TGFB2: variants seen among roughly 807,000 people sequenced by gnomAD.
TGFB2 encodes the protein transforming growth factor beta-2 proprotein.
In TGFB2, 13 loss-of-function variants were observed where a neutral mutation model predicts 42.7. That is an observed-to-expected ratio of 0.30 (90% CI 0.20 to 0.48). The LOEUF (loss-of-function observed/expected upper bound fraction) is 0.48, where lower values mean the gene tolerates loss of function less well. Among genes scored for constraint, TGFB2 ranks in the 20% least tolerant of loss-of-function variants. TGFB2 has a pLI of 0.99. For synonymous variants in TGFB2, 193 were observed against 193.6 expected (o/e 1.00, Z 0.03); for missense variants, 390 against 517.5 (o/e 0.75, Z 2.39).
intron 1 of TGFB2, among the ~76,000 whole-genome samples, chr1:218,397,345 C>T (rs988267595): frequency 3.6e-4 from 55 of 151,498 alleles, no homozygotes; most frequent in African/African-American, 1.0e-3. Flanking sequence ...AGGCGGATCA[C>T]GAGGTCAAGA....
chr1:218,381,258 G>GTTTTTTTTTTTTT (rs11405199), intron 1 of TGFB2, among the ~76,000 whole-genome samples: 3 of 137,738 alleles, frequency 2.2e-5, no homozygotes, highest in Admixed American at 7.3e-5. Flanking sequence ...TTTTGTTTTT[G>GTTTTTTTTTTTTT]TTTTTTTTTT....
intron 1 of TGFB2, among the ~76,000 whole-genome samples, chr1:218,361,628 A>G (rs1380905199): frequency 6.6e-6 from 1 of 152,214 alleles, no homozygotes; most frequent in Non-Finnish European, 1.5e-5. Context: ...CTTACTCTGC[A>G]TATTCTACCT....
chr1:218,441,856 G>A lies in TGFB2; in HGVS notation c.*494G>A. On this transcript the variant is annotated 3_prime_UTR_variant, in exon 7 of 7. Transcript: ENST00000366930. ...TATTTATTGTGTGTTACTATATAAT[G>A]AACGTTTCATTGCCCTTGGAAAATA... 6.6e-6 allele frequency: 1 copy of A among 152,452 alleles called. No individual in the cohort carries two copies. Among genetic ancestry groups the A allele is most frequent in the Non-Finnish European group, 1.5e-5 (1 of 68,208 alleles). 9.4% of individuals were successfully genotyped at this position (152,452 alleles called of 1,614,324 possible). A position where few individuals can be genotyped will look rare whatever the true frequency, so the allele number is the denominator to read the frequency against.
intron 1 of TGFB2, among the ~76,000 whole-genome samples, chr1:218,370,532 T>C (rs1000818176): frequency 6.6e-6 from 1 of 152,238 alleles, no homozygotes; most frequent in South Asian, 2.1e-4. Flanking sequence ...GAAGACATAA[T>C]GGGCCTATTG....
chr1:218,394,307 C>A (rs1258681987), intron 1 of TGFB2, among the ~76,000 whole-genome samples: 1 of 152,128 alleles, frequency 6.6e-6, no homozygotes, highest in Non-Finnish European at 1.5e-5. Flanking sequence ...GCCTGCACAA[C>A]CCTGAGCCTG....
chr1:218,364,695 T>G (rs1216068517), intron 1 of TGFB2, among the ~76,000 whole-genome samples: 1 of 152,188 alleles, frequency 6.6e-6, no homozygotes, highest in African/African-American at 2.4e-5. Context: ...CATTGTTGGT[T>G]AGAAATCAGT....
chr1:218,433,964 G>A, intron 2 of TGFB2, 118 bp from the exon 3 acceptor site: 5 of 1,358,344 alleles, frequency 3.7e-6, no homozygotes, highest in Non-Finnish European at 5.1e-6. Flanking sequence ...ACAATGCATG[G>A]CTATACTACA....
At chr1:218,416,407 A>C (rs911396558) in intron 2 of TGFB2, among the ~76,000 whole-genome samples, 8 of 152,074 alleles carry the variant, frequency 5.3e-5, no homozygotes, top group African/African-American at 1.9e-4. Flanking sequence ...AACAGTACTC[A>C]GGATATTTTT....
intron 2 of TGFB2, among the ~76,000 whole-genome samples, chr1:218,409,792 A>G (rs940042539): frequency 3.3e-5 from 5 of 152,228 alleles, no homozygotes; most frequent in Non-Finnish European, 7.3e-5. Context: ...TTGACACACA[A>G]TTGGCATCCT....
At chr1:218,347,470 T>TA (rs567844352) in intron 1 of TGFB2, among the ~76,000 whole-genome samples, 6 of 152,024 alleles carry the variant, frequency 3.9e-5, no homozygotes, top group Admixed American at 2.6e-4. Flanking sequence ...CACGAAGGGT[T>TA]AAAAAAAGTG....
chr1:218,379,467 T>TTTC, intron 1 of TGFB2, among the ~76,000 whole-genome samples: 1 of 124,484 alleles, frequency 8.0e-6, no homozygotes, highest in East Asian at 2.3e-4. Context: ...TTTTATTTCT[T>TTTC]TTTCTTTCTT....
At chr1:218,389,808 A>T (rs1658262714) in intron 1 of TGFB2, among the ~76,000 whole-genome samples, 1 of 152,232 alleles carries the variant, frequency 6.6e-6, no homozygotes, top group African/African-American at 2.4e-5. Flanking sequence ...GAAATTTTTC[A>T]GACATGTCTA....
chr1:218,419,210 C>T (rs1306625521), intron 2 of TGFB2, among the ~76,000 whole-genome samples: 6 of 152,174 alleles, frequency 3.9e-5, no homozygotes, highest in Non-Finnish European at 8.8e-5. Context: ...AGGGCTCCCC[C>T]ATTTGTCAAT....
At chr1:218,396,305 A>G (rs544715384) in intron 1 of TGFB2, among the ~76,000 whole-genome samples, 5 of 152,230 alleles carry the variant, frequency 3.3e-5, no homozygotes, top group Non-Finnish European at 7.3e-5. Context: ...TCTAACTAAC[A>G]TAGTGGAATT....
intron 1 of TGFB2, among the ~76,000 whole-genome samples, chr1:218,403,327 C>T (rs750340935): frequency 5.3e-5 from 8 of 151,988 alleles, no homozygotes; most frequent in Non-Finnish European, 1.2e-4. Flanking sequence ...CCCGCTTCTC[C>T]GTGGGCCTGT....
intron 1 of TGFB2, among the ~76,000 whole-genome samples, chr1:218,379,130 CTTTT>C (rs61674773): frequency 4.2e-5 from 6 of 143,936 alleles, no homozygotes; most frequent in Non-Finnish European, 7.5e-5. Flanking sequence ...TTCTTTCTTT[CTTTT>C]TTTTTTTTCT....
chr1:218,415,833 T>TA (rs1202102453), intron 2 of TGFB2, among the ~76,000 whole-genome samples: 1 of 151,364 alleles, frequency 6.6e-6, no homozygotes, highest in African/African-American at 2.4e-5. Context: ...ATTTCTTGCC[T>TA]AATGAGTTCC....
At chr1:218,420,259 T>C (rs539303452) in intron 2 of TGFB2, among the ~76,000 whole-genome samples, 1 of 152,336 alleles carries the variant, frequency 6.6e-6, no homozygotes, top group South Asian at 2.1e-4. Flanking sequence ...GGAATTCAGC[T>C]AAGAAAAAGA....
In TGFB2 at chr1:218,357,219, GAA is replaced by G. The variant is rs569034159; in HGVS notation, c.346+10186_346+10187del. 2.0e-4 allele frequency among the ~76,000 whole-genome samples: 22 copies of G among 111,890 alleles called. No individual in the cohort carries two copies. In the East Asian group the frequency reaches 3.8e-3, roughly 19 times the overall value. 73.4% of individuals were successfully genotyped at this position (111,890 alleles called of 152,430 possible). Reference sequence around the variant, plus strand: ...AAGAGCAAGACTTCATCTGAAAAATGAAAAAAAAAAAAAAAGAAATCTCAAAG... The same window carrying G: ...AAGAGCAAGACTTCATCTGAAAAATGAAAAAAAAAAAAAGAAATCTCAAAG... On this transcript the variant is annotated intron_variant, in intron 1 of 6. Coordinates refer to ENST00000366930, the MANE Select transcript of TGFB2 (RefSeq NM_003238.6).
Sources: gnomAD v4.1 joint callset for allele counts (sites outside exome capture counted in the v4.1 genomes callset) on GRCh38, gnomAD v4.1.1 for gene constraint, MANE v1.5 for transcripts, NCBI Gene and HGNC (gene_info 2026-07-23, HGNC 2026-07-21) for gene names.